The following MYH9 variants were observed in gnomAD, a reference collection of about 807,000 sequenced individuals.
The protein encoded by MYH9 is myosin heavy chain 9, also known as myosin-9.
Under a neutral mutation model 241.9 loss-of-function variants are expected in MYH9, and 29 were observed. The ratio of observed to expected loss-of-function variants is 0.12; its 90% CI spans 0.09 to 0.16. MYH9 has a LOEUF of 0.16. Among genes scored for constraint, MYH9 ranks in the 10% least tolerant of loss-of-function variants. The pLI, the probability that MYH9 is intolerant of heterozygous loss-of-function variation, is 1.00. For missense variants in MYH9, 1,803 were observed against 2,595.5 expected (o/e 0.69, Z 6.63); for synonymous variants, 1,047 against 1,062.6 (o/e 0.99, Z 0.29).
intron 1 of MYH9, 49 bp from the exon 2 acceptor site, chr22:36,349,304 A>G: frequency 1.5e-6 from 2 of 1,368,228 alleles, no homozygotes; most frequent in African/African-American, 2.8e-5. Flanking sequence ...TACGTCAGCC[A>G]CACAAGATCA....
At chr22:36,343,692 A>G (rs2017627116) in intron 2 of MYH9, among the ~76,000 whole-genome samples, 1 of 152,134 alleles carries the variant, frequency 6.6e-6, no homozygotes, top group Non-Finnish European at 1.5e-5. Context: ...CTCTTTTCAC[A>G]AGAGACCAGG....
intron 24 of MYH9, among the ~76,000 whole-genome samples, chr22:36,298,184 G>A (rs1348088604): frequency 1.3e-5 from 2 of 152,096 alleles, no homozygotes; most frequent in African/African-American, 4.8e-5. Flanking sequence ...CCGGTGGTCA[G>A]GTTTTGGTCT....
Position 36,295,206 on chromosome 22 carries a change from C to T in MYH9, c.3486-130G>A. On this transcript the variant is annotated intron_variant, in intron 26 of 40. Transcript: ENST00000216181. This position sits in a 1 kb window ranked among gnomAD's most constrained non-coding sequence, Gnocchi z 4.1. ...TCCAGGCAGCTTTTCTACCCACCGG[C>T]CCCTCCTAGCCATCTATCCCATAGC... is the stretch of plus-strand genomic sequence containing the variant. 8.2e-7 allele frequency: 1 copy of T among 1,224,642 alleles called. No homozygotes were observed. Among genetic ancestry groups the T allele is most frequent in the Non-Finnish European group, 1.2e-6 (1 of 841,244 alleles). 75.9% of individuals were successfully genotyped at this position (1,224,642 alleles called of 1,614,324 possible). A position where few individuals can be genotyped will look rare whatever the true frequency, so the allele number is the denominator to read the frequency against.
rs527539496 is a variant in MYH9, at chr22:36,282,023, G to C, written c.*645C>G. The C allele has an allele frequency of 1.1e-3, 254 of 234,402 alleles. 1 individual carries two copies. Among genetic ancestry groups the C allele is most frequent in the South Asian group, 2.9e-3 (16 of 5,604 alleles). The allele number at this position is 234,402 out of a possible 1,614,324, so 14.5% of individuals were successfully genotyped here. The stretch of plus-strand genomic sequence containing the variant: ...TGAGACATTTTAGAATCAGGAGGGA[G>C]ACAGCGGACAGTGGCGCTGCCTGGG... On this transcript the variant is annotated 3_prime_UTR_variant, in exon 41 of 41. Coordinates refer to ENST00000216181, the MANE Select transcript of MYH9 (RefSeq NM_002473.6).
At chr22:36,302,764 G>GCACCTCAA (rs2016901762) in intron 19 of MYH9, 88 bp from the exon 20 acceptor site, 3 of 1,176,510 alleles carry the variant, frequency 2.5e-6, no homozygotes, top group Non-Finnish European at 3.7e-6. Flanking sequence ...CTTTTCTGGG[G>GCACCTCAA]GTCTACCCTT....
At chr22:36,316,421 C>T (rs562273573) in intron 12 of MYH9, 96 bp downstream of exon 12, 35 of 1,574,704 alleles carry the variant, frequency 2.2e-5, no homozygotes, top group South Asian at 1.6e-4. Context: ...CAACTCAGAT[C>T]GATGCAGGAC....
chr22:36,376,008 C>A (rs1399709643), intron 1 of MYH9, among the ~76,000 whole-genome samples: 1 of 119,190 alleles, frequency 8.4e-6, no homozygotes, highest in Non-Finnish European at 1.6e-5. Context: ...ATTGACCAGG[C>A]TAGAGTGCAG....
intron 25 of MYH9, 48 bp downstream of exon 25, chr22:36,296,794 AG>A: frequency 1.3e-6 from 2 of 1,549,930 alleles, no homozygotes; most frequent in Admixed American, 1.9e-5. Context: ...GCAAGCAGGA[AG>A]GGCTGGCCCA....
Position 36,285,456 on chromosome 22 carries a change from G to C in MYH9, c.5275-127C>G, listed in dbSNP as rs2016563818. On this transcript the variant is annotated intron_variant, in intron 37 of 40. Transcript: ENST00000216181. The surrounding 1 kb of genome is among the most constrained non-coding windows in gnomAD (Gnocchi z 7.0). ...GGGGTCCAGAGTCTTGGGTCTCCCA[G>C]AAAAGGGAAGATTAGAAACTTCTGA... is the stretch of plus-strand genomic sequence containing the variant. 7.6e-7 allele frequency: 1 copy of C among 1,317,064 alleles called. No individual in the cohort carries two copies. Among genetic ancestry groups the C allele is most frequent in the Admixed American group, 1.9e-5 (1 of 53,368 alleles). 81.6% of individuals were successfully genotyped at this position (1,317,064 alleles called of 1,614,324 possible).
Position 36,288,685 on chromosome 22 carries a change from G to A in MYH9, c.4770+42C>T. On this transcript the variant is annotated intron_variant, in intron 33 of 40. Transcript: ENST00000216181. This position sits in a 1 kb window ranked among gnomAD's most constrained non-coding sequence, Gnocchi z 4.8. ...GAACAGAAGCCTGCGTGAAGCCAAG[G>A]CAGCCTTGGGCACCCATGGGGTAGC... The A allele has an allele frequency of 6.3e-7, 1 of 1,597,334 alleles. No individual in the cohort carries two copies. The highest frequency in any genetic ancestry group is 2.2e-5 in the East Asian group (1 of 44,858).
At chr22:36,316,035 C>CTTTT (rs144026849) in intron 12 of MYH9, among the ~76,000 whole-genome samples, 3 of 116,986 alleles carry the variant, frequency 2.6e-5, no homozygotes, top group Non-Finnish European at 5.2e-5. Flanking sequence ...GAGACCCTGA[C>CTTTT]TTTTTTTTTT....
At chr22:36,284,017 T>G (rs1603482687) in intron 40 of MYH9, 76 bp downstream of exon 40, 2 of 1,536,892 alleles carry the variant, frequency 1.3e-6, no homozygotes, top group East Asian at 2.4e-5. Context: ...GCCTTGCTTG[T>G]GGGCTCTGGT....
chr22:36,385,522 C>T (rs753530495), intron 1 of MYH9, among the ~76,000 whole-genome samples: 10 of 152,146 alleles, frequency 6.6e-5, no homozygotes, highest in Non-Finnish European at 1.5e-4. Context: ...CTTCATCCTA[C>T]GAGAGAGAAG....
At chr22:36,319,130 A>G (rs944586176) in intron 10 of MYH9, among the ~76,000 whole-genome samples, 2 of 152,174 alleles carry the variant, frequency 1.3e-5, no homozygotes, top group Admixed American at 1.3e-4. Flanking sequence ...AGGGCACATT[A>G]AGACTGAATA....
At chr22:36,379,905 A>G (rs1239640666) in intron 1 of MYH9, among the ~76,000 whole-genome samples, 1 of 152,224 alleles carries the variant, frequency 6.6e-6, no homozygotes, top group Non-Finnish European at 1.5e-5. Flanking sequence ...AATCGTGGGA[A>G]TGGGAACCTG....
intron 1 of MYH9, among the ~76,000 whole-genome samples, chr22:36,351,203 C>T (rs1009089873): frequency 8.5e-5 from 13 of 152,326 alleles, no homozygotes; most frequent in Admixed American, 2.0e-4. Context: ...TGCTGGCTCC[C>T]TTTCGCCAGG....
intron 40 of MYH9, among the ~76,000 whole-genome samples, chr22:36,283,462 G>A (rs940626529): frequency 1.3e-5 from 2 of 151,232 alleles, no homozygotes; most frequent in East Asian, 1.9e-4. Context: ...GCTTGAACCC[G>A]GGAGGCAGAG....
chr22:36,364,168 T>C (rs1007104505), intron 1 of MYH9, among the ~76,000 whole-genome samples: 2 of 152,150 alleles, frequency 1.3e-5, no homozygotes, highest in Non-Finnish European at 2.9e-5. Flanking sequence ...CTAGAACCCT[T>C]CAAGCCTTCA....
At chr22:36,362,514 TG>T (rs1388335634) in intron 1 of MYH9, among the ~76,000 whole-genome samples, 2 of 152,136 alleles carry the variant, frequency 1.3e-5, no homozygotes, top group Non-Finnish European at 2.9e-5. Flanking sequence ...AAACCATTTC[TG>T]AGTCGCTCTG....
Sources: allele counts gnomAD v4.1 joint callset (sites outside exome capture counted in the v4.1 genomes callset), GRCh38; gene constraint gnomAD v4.1.1; non-coding constraint Gnocchi (gnomAD v3.1); transcripts MANE v1.5; gene names NCBI Gene and HGNC (gene_info 2026-07-23, HGNC 2026-07-21).